SELENOF: variants seen among roughly 807,000 people sequenced by gnomAD.
The protein encoded by SELENOF is selenoprotein F.
SELENOF carries 16 observed loss-of-function variants against 20.5 expected under a neutral mutation model. That is an observed-to-expected ratio of 0.78 (90% CI 0.53 to 1.19). SELENOF has a LOEUF of 1.19. SELENOF is among the 50% of genes most tolerant of loss of function. The pLI is 0.00. For synonymous variants in SELENOF, 78 were observed against 74.5 expected, an observed-to-expected ratio of 1.05 and a Z score of -0.24; for missense variants, 215 against 194.2, an observed-to-expected ratio of 1.11 and a Z score of -0.64.
intron 1 of SELENOF, among the ~76,000 whole-genome samples, chr1:86,911,948 T>C (rs1379012133): frequency 2.6e-5 from 4 of 152,026 alleles, no homozygotes; most frequent in Non-Finnish European, 5.9e-5. Flanking sequence ...ATTTTTATAT[T>C]TTTACTAGAG....
At chr1:86,891,954 G>A (rs1659393690) in intron 2 of SELENOF, among the ~76,000 whole-genome samples, 1 of 149,462 alleles carries the variant, frequency 6.7e-6, no homozygotes, top group African/African-American at 2.5e-5. Flanking sequence ...TTCTAGAGAT[G>A]AAGTCTCGCT....
intron 2 of SELENOF, among the ~76,000 whole-genome samples, chr1:86,884,346 TACACACACAC>T (rs142756978): frequency 6.7e-4 from 98 of 145,546 alleles, no homozygotes; most frequent in African/African-American, 2.2e-3. Context: ...CGCACATACA[TACACACACAC>T]ACACACACAC....
chr1:86,870,535 C>T (rs1658734616), intron 3 of SELENOF, among the ~76,000 whole-genome samples: 1 of 152,188 alleles, frequency 6.6e-6, no homozygotes, highest in Non-Finnish European at 1.5e-5. Context: ...CATACGAAAC[C>T]TTCTGGTAAA....
chr1:86,881,463 G>A (rs1659068216), intron 2 of SELENOF, among the ~76,000 whole-genome samples: 1 of 152,148 alleles, frequency 6.6e-6, no homozygotes, highest in Admixed American at 6.5e-5. Flanking sequence ...TCTTTTTATA[G>A]GGCAGGAATA....
chr1:86,888,981 T>C (rs1659307107), intron 2 of SELENOF, among the ~76,000 whole-genome samples: 1 of 152,124 alleles, frequency 6.6e-6, no homozygotes. Flanking sequence ...CTGAAAACAA[T>C]AAGAAACAAA....
chr1:86,863,631 T>C, intron 4 of SELENOF, 26 bp from the exon 5 acceptor site: 1 of 1,610,068 alleles, frequency 6.2e-7, no homozygotes, highest in Non-Finnish European at 8.5e-7. Context: ...ACGTCATCAT[T>C]ACTTTCTGTT....
chr1:86,871,554 T>C (rs912989680), intron 3 of SELENOF, among the ~76,000 whole-genome samples: 10 of 152,142 alleles, frequency 6.6e-5, no homozygotes, highest in African/African-American at 2.2e-4. Context: ...AAAAGTATAA[T>C]AAAAATGTAT....
chr1:86,896,289 A>C (rs1411201061), intron 2 of SELENOF, among the ~76,000 whole-genome samples: 1 of 152,154 alleles, frequency 6.6e-6, no homozygotes, highest in African/African-American at 2.4e-5. Flanking sequence ...AGTTAGGGAA[A>C]AAAAAGTTCT....
intron 1 of SELENOF, among the ~76,000 whole-genome samples, chr1:86,909,067 G>C (rs2102133761): frequency 6.6e-6 from 1 of 152,314 alleles, no homozygotes; most frequent in African/African-American, 2.4e-5. Context: ...CAGTCCCAAT[G>C]ACAGTTTTAT....
chr1:86,911,416 A>C (rs1659977881), intron 1 of SELENOF, among the ~76,000 whole-genome samples: 1 of 152,218 alleles, frequency 6.6e-6, no homozygotes, highest in Non-Finnish European at 1.5e-5. Flanking sequence ...CTCCACTTGT[A>C]CCTTTCTGCT....
chr1:86,863,895 A>G (rs1321525048), intron 4 of SELENOF, among the ~76,000 whole-genome samples: 1 of 152,086 alleles, frequency 6.6e-6, no homozygotes, highest in Admixed American at 6.6e-5. Flanking sequence ...GCTCACTGCA[A>G]CCTCCACCTC....
At chr1:86,907,106 T>TTCAATTGAA (rs1659849486) in intron 1 of SELENOF, among the ~76,000 whole-genome samples, 1 of 152,142 alleles carries the variant, frequency 6.6e-6, no homozygotes, top group African/African-American at 2.4e-5. Context: ...TTAACACACA[T>TTCAATTGAA]CTAGATTCAA....
chr1:86,895,652 T>C (rs1309851734), intron 2 of SELENOF, among the ~76,000 whole-genome samples: 1 of 152,252 alleles, frequency 6.6e-6, no homozygotes, highest in Admixed American at 6.5e-5. Context: ...CTAAACTTCT[T>C]TGTTTTTAAT....
intron 3 of SELENOF, among the ~76,000 whole-genome samples, chr1:86,878,033 A>C (rs1658969433): frequency 6.6e-6 from 1 of 152,212 alleles, no homozygotes; most frequent in South Asian, 2.1e-4. Context: ...AGGATGTCAC[A>C]AGTGAAGTGA....
In SELENOF at chr1:86,863,562, T is replaced by C. The variant is rs377177312; in HGVS notation, c.410A>G (p.Asn137Ser). The C allele has an allele frequency of 5.6e-6, 9 of 1,613,598 alleles. No individual in the cohort carries two copies. The highest frequency in any genetic ancestry group is 2.2e-5 in the South Asian group (2 of 91,072). Residue 137 changes from asparagine to serine, a missense_variant, in exon 5 of 5, where the codon AAT becomes AGT. Asn to Ser is a conservative substitution (Grantham distance 46, BLOSUM62 1). Coordinates refer to ENST00000331835, the MANE Select transcript of SELENOF (RefSeq NM_004261.5). ...GCTCAGTTCTTCAGCAATGTTCCCATTGTCGTCCAAAAGCTTTAATACAGG... is the reference window on the plus strand; with the variant it reads ...GCTCAGTTCTTCAGCAATGTTCCCACTGTCGTCCAAAAGCTTTAATACAGG... ...SDPVLKLLDD[N>S]GNIAEELSIL...
At chr1:86,896,253 A>AG (rs1397035502) in intron 2 of SELENOF, among the ~76,000 whole-genome samples, 23 of 103,594 alleles carry the variant, frequency 2.2e-4, no homozygotes, top group South Asian at 1.0e-3. Context: ...CAAAACAAAG[A>AG]GGGGGGGAGG....
chr1:86,880,153 T>G lies in SELENOF; in HGVS notation c.316+509A>C, dbSNP rs916374122. On this transcript the variant is annotated intron_variant, in intron 3 of 4. Transcript: ENST00000331835. ...AATCTGAATTTCTTTTTTTTTTTTTTGAGACAGAGTCTCGTTCTGTCGCCC... is the reference window on the plus strand; with the variant it reads ...AATCTGAATTTCTTTTTTTTTTTTTGGAGACAGAGTCTCGTTCTGTCGCCC... 3.3e-5 allele frequency among the ~76,000 whole-genome samples: 5 copies of G among 152,048 alleles called. No homozygotes were observed. The East Asian group carries it at 7.7e-4, about 23-fold the overall frequency.
At chr1:86,891,336 A>G (rs1259288870) in intron 2 of SELENOF, among the ~76,000 whole-genome samples, 1 of 151,436 alleles carries the variant, frequency 6.6e-6, no homozygotes, top group Admixed American at 6.6e-5. Context: ...GGTGTGAGTC[A>G]CCACACCTGG....
intron 2 of SELENOF, among the ~76,000 whole-genome samples, chr1:86,893,614 CATAA>C (rs146967782): frequency 3.2e-4 from 48 of 151,898 alleles, no homozygotes; most frequent in Non-Finnish European, 4.9e-4. Flanking sequence ...AAGACTGTCT[CATAA>C]ATAAATAAAT....
Sources: gnomAD v4.1 joint callset for allele counts (sites outside exome capture counted in the v4.1 genomes callset) on GRCh38, gnomAD v4.1.1 for gene constraint, MANE v1.5 for transcripts, NCBI Gene and HGNC (gene_info 2026-07-23, HGNC 2026-07-21) for gene names.